Variants in TMEM132D observed in about 807,000 individuals in gnomAD.
TMEM132D encodes mature OL transmembrane protein.
Under a neutral mutation model 62.3 loss-of-function variants are expected in TMEM132D, and 21 were observed. The observed-to-expected ratio is 0.34, with a 90% CI of 0.24 to 0.49. The LOEUF (loss-of-function observed/expected upper bound fraction) is 0.49. TMEM132D is among the 20% of genes least tolerant of loss of function. The pLI is 0.99. For synonymous variants in TMEM132D, 621 were observed against 575.6 expected (o/e 1.08, Z -1.13); for missense variants, 1,346 against 1,402.8 (o/e 0.96, Z 0.65).
At chr12:129,462,868 T>C (rs1489346493) in intron 3 of TMEM132D, among the ~76,000 whole-genome samples, 1 of 152,150 alleles carries the variant, frequency 6.6e-6, no homozygotes, top group Non-Finnish European at 1.5e-5. Flanking sequence ...TTGTCTTCCA[T>C]ACGCAGGCCA....
At chr12:129,750,237 C>A (rs1323275025) in intron 1 of TMEM132D, among the ~76,000 whole-genome samples, 1 of 152,110 alleles carries the variant, frequency 6.6e-6, no homozygotes, top group African/African-American at 2.4e-5. Context: ...AGGCACCCGC[C>A]ACCACGCCTG....
intron 4 of TMEM132D, chr12:129,212,464 AGAG>A (rs3830309): frequency 0.25 from 38,563 of 151,924 alleles, 5,228 homozygotes; most frequent in East Asian, 0.46. Flanking sequence ...TCTTCAGATA[AGAG>A]GAGGACAAAA....
At chr12:129,710,292 A>G (rs1480213665) in intron 1 of TMEM132D, among the ~76,000 whole-genome samples, 1 of 151,646 alleles carries the variant, frequency 6.6e-6, no homozygotes, top group Admixed American at 6.6e-5. Flanking sequence ...ATTTTTATTT[A>G]TTTATTTATT....
chr12:129,383,299 T>G (rs1871005825), intron 3 of TMEM132D, among the ~76,000 whole-genome samples: 1 of 152,194 alleles, frequency 6.6e-6, no homozygotes, highest in Admixed American at 6.5e-5. Flanking sequence ...AATGCAGTTC[T>G]TAGATGCTCA....
In TMEM132D at chr12:129,221,278, T is replaced by C. The variant is rs567512087; in HGVS notation, c.1300-11615A>G. ...GCCTCCATTAGCCTGGTTACCTGAG[T>C]CACACGTGGAGAAGAGCTTCCTCCT... is the stretch of plus-strand genomic sequence containing the variant. On this transcript the variant is annotated intron_variant, in intron 4 of 8. Transcript: ENST00000422113. Among the ~76,000 whole-genome samples the C allele has an allele frequency of 2.6e-5, 4 of 152,266 alleles. No individual in the cohort carries two copies. In the East Asian group the frequency reaches 5.8e-4, roughly 22 times the overall value.
intron 1 of TMEM132D, among the ~76,000 whole-genome samples, chr12:129,762,172 C>A (rs1870400777): frequency 6.6e-6 from 1 of 152,088 alleles, no homozygotes; most frequent in Admixed American, 6.6e-5. Context: ...TATGTGTGTC[C>A]ATTTTTTTCT....
chr12:129,477,597 G>C (rs567693971), intron 3 of TMEM132D, among the ~76,000 whole-genome samples: 182 of 152,228 alleles, frequency 1.2e-3, no homozygotes, highest in African/African-American at 4.3e-3. Flanking sequence ...GAGGCGGGTG[G>C]ATCACCAGGT....
chr12:129,655,595 G>A (rs1880051679), intron 2 of TMEM132D, among the ~76,000 whole-genome samples: 1 of 151,838 alleles, frequency 6.6e-6, no homozygotes, highest in Admixed American at 6.6e-5. Flanking sequence ...GCAGGGGAGT[G>A]CAGGGGACTC....
chr12:129,761,366 C>T (rs1870372768), intron 1 of TMEM132D, among the ~76,000 whole-genome samples: 1 of 152,132 alleles, frequency 6.6e-6, no homozygotes, highest in Admixed American at 6.5e-5. Context: ...ACCTGGCTGC[C>T]CCCAAAGGGC....
At chr12:129,566,254 A>G (rs1292558454) in intron 2 of TMEM132D, among the ~76,000 whole-genome samples, 1 of 152,254 alleles carries the variant, frequency 6.6e-6, no homozygotes, top group African/African-American at 2.4e-5. Context: ...ATCAAATTAC[A>G]GGTTGAAGGC....
intron 2 of TMEM132D, among the ~76,000 whole-genome samples, chr12:129,564,878 G>C (rs1399629663): frequency 6.6e-6 from 1 of 152,200 alleles, no homozygotes; most frequent in East Asian, 1.9e-4. Flanking sequence ...ACCCAACTGT[G>C]CTAGGAATTG....
chr12:129,494,699 A>G (rs1874896028), intron 3 of TMEM132D, among the ~76,000 whole-genome samples: 1 of 152,152 alleles, frequency 6.6e-6, no homozygotes, highest in Non-Finnish European at 1.5e-5. Context: ...ATGGAACATG[A>G]TATGTCCCTC....
chr12:129,506,029 A>G (rs181501100), intron 3 of TMEM132D, among the ~76,000 whole-genome samples: 17 of 152,278 alleles, frequency 1.1e-4, no homozygotes, highest in Admixed American at 3.3e-4. Context: ...ATTCAACATT[A>G]GTATTGAGAT....
chr12:129,730,709 A>T (rs775350183), intron 1 of TMEM132D, among the ~76,000 whole-genome samples: 6 of 141,002 alleles, frequency 4.3e-5, no homozygotes, highest in Non-Finnish European at 9.4e-5. Context: ...GGTGGGCACC[A>T]TCTAATCAGC....
At chr12:129,866,056 C>T (rs1874048224) in intron 1 of TMEM132D, among the ~76,000 whole-genome samples, 1 of 152,044 alleles carries the variant, frequency 6.6e-6, no homozygotes, top group African/African-American at 2.4e-5. Flanking sequence ...TACTCCACAC[C>T]CCCTGGGTTT....
intron 3 of TMEM132D, among the ~76,000 whole-genome samples, chr12:129,466,475 G>A (rs1253001417): frequency 6.6e-6 from 1 of 151,910 alleles, no homozygotes; most frequent in Non-Finnish European, 1.5e-5. Flanking sequence ...ACGCACTACT[G>A]TGCCTGGCAA....
chr12:129,647,646 T>C (rs1879821088), intron 2 of TMEM132D, among the ~76,000 whole-genome samples: 1 of 152,228 alleles, frequency 6.6e-6, no homozygotes, highest in South Asian at 2.1e-4. Flanking sequence ...GTATTGCTTA[T>C]TTTGTATTTC....
At chr12:129,227,922 T>C (rs1194108497) in intron 4 of TMEM132D, among the ~76,000 whole-genome samples, 1 of 152,194 alleles carries the variant, frequency 6.6e-6, no homozygotes, top group African/African-American at 2.4e-5. Context: ...TACAAATGAC[T>C]TGAACTCATC....
chr12:129,787,500 T>C (rs545963263), intron 1 of TMEM132D, among the ~76,000 whole-genome samples: 37 of 152,288 alleles, frequency 2.4e-4, no homozygotes, highest in African/African-American at 8.7e-4. Context: ...TCTCTTAATC[T>C]ACAGAAAGAG....
Sources: allele counts gnomAD v4.1 joint callset (sites outside exome capture counted in the v4.1 genomes callset), GRCh38; gene constraint gnomAD v4.1.1; transcripts MANE v1.5; gene names NCBI Gene and HGNC (gene_info 2026-07-23, HGNC 2026-07-21).